HECTD4: variants seen among roughly 807,000 people sequenced by gnomAD.
HECTD4 encodes the protein probable E3 ubiquitin-protein ligase HECTD4.
In HECTD4, 114 loss-of-function variants were observed where a neutral mutation model predicts 471.5. The ratio of observed to expected loss-of-function variants is 0.24; its 90% CI spans 0.21 to 0.28. HECTD4 has a LOEUF of 0.28. Ranked by LOEUF, HECTD4 falls within the 10% of genes least tolerant of loss-of-function variation. The probability of loss-of-function intolerance (pLI) is 1.00; values close to 1 mark genes in which losing one functional copy is unlikely to be tolerated. For missense variants in HECTD4, 3,866 were observed against 5,651.5 expected (o/e 0.68, Z 10.13); for synonymous variants, 2,012 against 2,256.0 (o/e 0.89, Z 3.07).
intron 9 of HECTD4, among the ~76,000 whole-genome samples, chr12:112,277,832 A>C (rs2034558511): frequency 6.6e-6 from 1 of 152,214 alleles, no homozygotes; most frequent in African/African-American, 2.4e-5. Context: ...TCCTCACACT[A>C]TCCTATGTGG....
chr12:112,192,724 T>C lies in HECTD4; in HGVS notation c.9128A>G (p.Tyr3043Cys). 1 of 1,596,984 alleles carries C rather than the reference T, an allele frequency of 6.3e-7. No individual in the cohort carries two copies. Among genetic ancestry groups the C allele is most frequent in the Non-Finnish European group, 8.5e-7 (1 of 1,172,204 alleles). The change falls in exon 59 of 76, where the codon TAT (tyrosine) becomes TGT (cysteine). Residue 3043 changes from tyrosine to cysteine, a missense_variant. Around this residue, in one of 16 missense-constraint regions of HECTD4, gnomAD observed 364 missense variants for 413.2 expected, o/e 0.88. Coordinates refer to ENST00000682272, the MANE Select transcript of HECTD4 (RefSeq NM_001388303.1). ...YKAPWARVLV[Y>C]GLGHKVKRNG... ...TCGCTTCACTTTGTGGCCGAGGCCA[T>C]ATACGAGCACCCGTGCCCACGGTGC...
chr12:112,273,425 A>G (rs1002058642), intron 11 of HECTD4, among the ~76,000 whole-genome samples: 1 of 152,232 alleles, frequency 6.6e-6, no homozygotes, highest in Non-Finnish European at 1.5e-5. Context: ...TTCCTTTAAA[A>G]AAGTCTATGG....
At chr12:112,332,200 C>T (rs142046603) in intron 1 of HECTD4, among the ~76,000 whole-genome samples, 1 of 152,082 alleles carries the variant, frequency 6.6e-6, no homozygotes, top group African/African-American at 2.4e-5. Context: ...GTCACTCAAA[C>T]AGTGTGCATC....
chr12:112,341,925 T>C (rs1187908371), intron 1 of HECTD4, among the ~76,000 whole-genome samples: 1 of 152,224 alleles, frequency 6.6e-6, no homozygotes, highest in African/African-American at 2.4e-5. Flanking sequence ...GAAGCTAATA[T>C]ATGACAAACA....
At chr12:112,169,910 C>T (rs2031144867) in intron 69 of HECTD4, 3 of 590,082 alleles carry the variant, frequency 5.1e-6, no homozygotes, top group Admixed American at 3.0e-5. Flanking sequence ...TAGAGGCTTC[C>T]CTCTGCCTCT....
intron 45 of HECTD4, 35 bp downstream of exon 45, chr12:112,219,351 G>C: frequency 6.8e-7 from 1 of 1,462,306 alleles, no homozygotes; most frequent in Non-Finnish European, 9.6e-7. Context: ...GTGTGTGGAG[G>C]CTGCAGGAGG....
chr12:112,203,607 C>T (rs758375243), intron 54 of HECTD4, 29 bp downstream of exon 54: 12 of 1,594,116 alleles, frequency 7.5e-6, no homozygotes, highest in African/African-American at 1.3e-5. Context: ...TATAAAATAG[C>T]TTATTAATCA....
At chr12:112,170,201 A>AGG (rs774379734) in intron 69 of HECTD4, 132 bp downstream of exon 69, 13 of 1,270,418 alleles carry the variant, frequency 1.0e-5, no homozygotes, top group Middle Eastern at 4.4e-4. Flanking sequence ...GCCACACACC[A>AGG]GGGCGCTCCA....
intron 29 of HECTD4, among the ~76,000 whole-genome samples, chr12:112,245,426 C>A (rs769308883): frequency 6.6e-6 from 1 of 152,198 alleles, no homozygotes; most frequent in Non-Finnish European, 1.5e-5. Flanking sequence ...AACAGCCTTA[C>A]CAAGTGGTCA....
Position 112,250,309 on chromosome 12 carries a change from G to C in HECTD4, c.3785C>G (p.Pro1262Arg). ...TTCTCTGTCTTCCTCTATGGTCAGA[G>C]GCAGTGGAGAGGGGCTCGGAGTAAG... ...PALTPSPSPL[P>R]LTIEEDREFT... The change falls in exon 25 of 76, where the codon CCT (proline) becomes CGT (arginine). Residue 1262 changes from proline (P) to arginine (R), a missense_variant. Around this residue, in one of 16 missense-constraint regions of HECTD4, gnomAD observed 281 missense variants for 499.9 expected, o/e 0.56. Transcript: ENST00000682272. 6.2e-7 allele frequency: 1 copy of C among 1,614,004 alleles called. No individual in the cohort carries two copies. Among genetic ancestry groups the C allele is most frequent in the Non-Finnish European group, 8.5e-7 (1 of 1,179,884 alleles).
At position 112,183,196 on chromosome 12, in the gene HECTD4, G is replaced by C. The variant is rs1356067971; in HGVS notation, c.10850C>G (p.Ser3617Ter). The C allele has an allele frequency of 6.2e-7, 1 of 1,613,712 alleles. No individual in the cohort carries two copies. Among genetic ancestry groups the C allele is most frequent in the African/African-American group, 1.3e-5 (1 of 74,878 alleles). ...LFNNNDLIGL[S>*]SLDGEDELME... ...CAATTCATCTTCACCATCCAAACTT[G>C]ACAAACCAATCAAGTCATTATTGTT... The change falls in exon 62 of 76, where the codon TCA becomes TGA. Residue 3617 changes from serine to a stop codon, truncating the protein, a stop_gained. Coordinates refer to ENST00000682272, the MANE Select transcript of HECTD4 (RefSeq NM_001388303.1). LOFTEE classifies it high-confidence loss of function.
In HECTD4 at chr12:112,160,536, C is replaced by T. The variant is rs1205893547; in HGVS notation, c.*1851G>A. 6.6e-6 allele frequency: 1 copy of T among 152,122 alleles called. No homozygotes were observed. The highest frequency in any genetic ancestry group is 1.5e-5 in the Non-Finnish European group (1 of 68,022). 9.4% of individuals were successfully genotyped at this position (152,122 alleles called of 1,614,324 possible). On this transcript the variant is annotated 3_prime_UTR_variant, in exon 76 of 76. Coordinates refer to ENST00000682272, the MANE Select transcript of HECTD4 (RefSeq NM_001388303.1). ...CAATGTGCTCTCGGAGAAGCAGCCA[C>T]GTTAGCAGCAGATACCTTACAGCTT...
chr12:112,264,055 G>T, intron 17 of HECTD4, 29 bp downstream of exon 17: 1 of 1,596,984 alleles, frequency 6.3e-7, no homozygotes, highest in Non-Finnish European at 8.5e-7. Context: ...TGGGTAGAAC[G>T]CATCGTTAAA....
chr12:112,323,891 T>C (rs190408513), intron 1 of HECTD4, among the ~76,000 whole-genome samples: 3 of 151,932 alleles, frequency 2.0e-5, no homozygotes, highest in East Asian at 3.9e-4. Context: ...TGGGTAAAGA[T>C]ATATTGAAAA....
At position 112,189,460 on chromosome 12, in the gene HECTD4, G is replaced by C. The variant is rs2031998459; in HGVS notation, c.9472+1326C>G. Among the ~76,000 whole-genome samples, 3 of 65,064 alleles carry C rather than the reference G, an allele frequency of 4.6e-5. No individual in the cohort carries two copies. The South Asian group carries it at 2.4e-3, about 51-fold the overall frequency. 42.7% of individuals were successfully genotyped at this position (65,064 alleles called of 152,430 possible). On this transcript the variant is annotated intron_variant, in intron 60 of 75. Coordinates refer to ENST00000682272, the MANE Select transcript of HECTD4 (RefSeq NM_001388303.1). Reference sequence around the variant, plus strand: ...CTAGCTACTCTGGAGGCTGAGGCAGGAGAATGGCATGAACCCGGGAGGCGG... The same window carrying C: ...CTAGCTACTCTGGAGGCTGAGGCAGCAGAATGGCATGAACCCGGGAGGCGG...
intron 7 of HECTD4, among the ~76,000 whole-genome samples, chr12:112,294,960 A>C (rs11066243): frequency 0.078 from 11,889 of 152,112 alleles, 1,615 homozygotes; most frequent in East Asian, 0.61. Flanking sequence ...TTAATTAATT[A>C]ATTCATTCAT....
intron 1 of HECTD4, chr12:112,321,884 A>G (rs963815054): frequency 1.3e-5 from 2 of 152,032 alleles, no homozygotes; most frequent in African/African-American, 4.8e-5. Context: ...ACTTATAATT[A>G]GACAACAAGT....
In HECTD4 at chr12:112,239,213, C is replaced by T. The variant is rs777490634; in HGVS notation, c.5129G>A (p.Arg1710His). ...YTRSEEKCLVRSGLVQLMDRL... is the reference protein window; with the variant it reads ...YTRSEEKCLVHSGLVQLMDRL... ...ATCCATGAGCTGCACAAGGCCACTG[C>T]GTACCAGGCACTTCTCTTCGCTCCT... Residue 1710 changes from arginine (R) to histidine (H), a missense_variant, in exon 34 of 76, where the codon CGC (arginine) becomes CAC (histidine). Arg to His is a conservative substitution (Grantham distance 29). Transcript: ENST00000682272. The surrounding 1 kb of genome is among the most constrained non-coding windows in gnomAD (Gnocchi z 4.9). 24 of 1,611,980 alleles carry T rather than the reference C, an allele frequency of 1.5e-5. No individual in the cohort carries two copies. The highest frequency in any genetic ancestry group is 2.2e-5 in the East Asian group (1 of 44,820).
intron 52 of HECTD4, among the ~76,000 whole-genome samples, chr12:112,205,969 G>C (rs2032569326): frequency 6.6e-6 from 1 of 152,276 alleles, no homozygotes; most frequent in African/African-American, 2.4e-5. Context: ...TTAAGAAAGA[G>C]AGAAGGCTAT....
Sources: gnomAD v4.1 joint callset for allele counts (sites outside exome capture counted in the v4.1 genomes callset) on GRCh38, gnomAD v4.1.1 for gene constraint, gnomAD v4.1.1 regional missense constraint, Gnocchi (gnomAD v3.1) non-coding constraint, MANE v1.5 for transcripts, NCBI Gene and HGNC (gene_info 2026-07-23, HGNC 2026-07-21) for gene names.